BMAL1: variants seen among roughly 807,000 people sequenced by gnomAD.
The protein encoded by BMAL1 is basic helix-loop-helix ARNT-like protein 1.
chr11:13,312,829 G>A, the BMAL1 span, among the ~76,000 whole-genome samples: 45 of 152,286 alleles, frequency 3.0e-4, no homozygotes, highest in East Asian at 7.9e-3. Context: ...AAGACACTTA[G>A]CCTCTCAGGC....
the BMAL1 span, among the ~76,000 whole-genome samples, chr11:13,377,667 G>A: frequency 3.3e-5 from 5 of 152,252 alleles, no homozygotes; most frequent in South Asian, 2.1e-4. Context: ...GTCCAAATTC[G>A]TTAGTACGGC....
chr11:13,366,813 A>C, the BMAL1 span: 1 of 1,586,518 alleles, frequency 6.3e-7, no homozygotes, highest in African/African-American at 1.3e-5. Flanking sequence ...GCATTTCCTC[A>C]GCAGCCCACT....
chr11:13,349,049 A>G, the BMAL1 span, among the ~76,000 whole-genome samples: 1 of 152,214 alleles, frequency 6.6e-6, no homozygotes, highest in Non-Finnish European at 1.5e-5. Context: ...AGTTTCTGCC[A>G]GACACAGGAA....
the BMAL1 span, among the ~76,000 whole-genome samples, chr11:13,297,247 A>C: frequency 6.6e-6 from 1 of 152,164 alleles, no homozygotes; most frequent in African/African-American, 2.4e-5. Flanking sequence ...TGTGCTATGG[A>C]GGAAAGGAAG....
chr11:13,328,282 A>T, the BMAL1 span, among the ~76,000 whole-genome samples: 1 of 152,216 alleles, frequency 6.6e-6, no homozygotes, highest in Non-Finnish European at 1.5e-5. Context: ...CAATTCAGGT[A>T]AGTGTAAATC....
chr11:13,284,616 T>G, the BMAL1 span, among the ~76,000 whole-genome samples: 2 of 151,366 alleles, frequency 1.3e-5, no homozygotes, highest in African/African-American at 4.8e-5. Context: ...AATTGTCTTT[T>G]TTTTTTGGCG....
the BMAL1 span, among the ~76,000 whole-genome samples, chr11:13,307,766 GT>G: frequency 6.6e-6 from 1 of 152,232 alleles, no homozygotes; most frequent in Non-Finnish European, 1.5e-5. Context: ...AGGTGATACA[GT>G]CAGGACTGCC....
chr11:13,380,675 G>C, the BMAL1 span: 3 of 156,760 alleles, frequency 1.9e-5, no homozygotes, highest in African/African-American at 7.2e-5. Context: ...TAGCTAAACA[G>C]TGTTTGTGGA....
At chr11:13,308,595 C>T in the BMAL1 span, among the ~76,000 whole-genome samples, 1 of 152,130 alleles carries the variant, frequency 6.6e-6, no homozygotes, top group Admixed American at 6.5e-5. Context: ...GGTGTCAAAG[C>T]TGCAAGGTAA....
chr11:13,316,454 A>G, the BMAL1 span, among the ~76,000 whole-genome samples: 2 of 152,176 alleles, frequency 1.3e-5, no homozygotes, highest in African/African-American at 4.8e-5. Context: ...GCTCTTGGCT[A>G]AATACATATT....
chr11:13,312,893 C>T, the BMAL1 span, among the ~76,000 whole-genome samples: 4 of 152,098 alleles, frequency 2.6e-5, no homozygotes, highest in Admixed American at 2.0e-4. Flanking sequence ...TCTCTGCTGT[C>T]GTGAAGCAGA....
At chr11:13,303,366 A>G in the BMAL1 span, among the ~76,000 whole-genome samples, 2 of 152,252 alleles carry the variant, frequency 1.3e-5, no homozygotes, top group African/African-American at 2.4e-5. Context: ...GGTAGAGATC[A>G]TATAATAAAT....
At chr11:13,313,336 G>A in the BMAL1 span, among the ~76,000 whole-genome samples, 6 of 152,080 alleles carry the variant, frequency 3.9e-5, no homozygotes, top group African/African-American at 1.4e-4. Context: ...TCCTCCCTGG[G>A]TGAGCTCATC....
the BMAL1 span, among the ~76,000 whole-genome samples, chr11:13,374,375 A>G: frequency 6.6e-6 from 1 of 152,194 alleles, no homozygotes; most frequent in Non-Finnish European, 1.5e-5. Flanking sequence ...GGCACTGTTT[A>G]TCCCCCTTGT....
the BMAL1 span, among the ~76,000 whole-genome samples, chr11:13,286,851 A>G: frequency 6.6e-6 from 1 of 152,186 alleles, no homozygotes; most frequent in Non-Finnish European, 1.5e-5. Flanking sequence ...GCCTGCTTAT[A>G]AAATATAGTT....
the BMAL1 span, among the ~76,000 whole-genome samples, chr11:13,307,969 G>T: frequency 1.3e-5 from 2 of 152,082 alleles, no homozygotes; most frequent in African/African-American, 4.8e-5. Context: ...TTCCTCCTCT[G>T]TTCAGAATAG....
chr11:13,318,502 A>G, the BMAL1 span, among the ~76,000 whole-genome samples: 1 of 151,640 alleles, frequency 6.6e-6, no homozygotes, highest in South Asian at 2.1e-4. Flanking sequence ...CTTTAATTCA[A>G]CAATTTATGG....
the BMAL1 span, among the ~76,000 whole-genome samples, chr11:13,333,542 C>G: frequency 6.6e-6 from 1 of 152,190 alleles, no homozygotes; most frequent in Non-Finnish European, 1.5e-5. Flanking sequence ...CCCTGGCTAT[C>G]AGCACTTATT....
chr11:13,305,424 C>T, the BMAL1 span, among the ~76,000 whole-genome samples: 4 of 152,060 alleles, frequency 2.6e-5, no homozygotes, highest in Non-Finnish European at 5.9e-5. Context: ...ATATAGAAAT[C>T]CAATTGATTT....
Sources: allele counts gnomAD v4.1 joint callset (sites outside exome capture counted in the v4.1 genomes callset), GRCh38; gene constraint gnomAD v4.1.1; transcripts MANE v1.5; gene names NCBI Gene and HGNC (gene_info 2026-07-23, HGNC 2026-07-21).